USP10: variants seen among roughly 807,000 people sequenced by gnomAD.
The protein encoded by USP10 is ubiquitin specific peptidase 10, also known as ubiquitin carboxyl-terminal hydrolase 10.
In USP10, 22 loss-of-function variants were observed where a neutral mutation model predicts 84.5. That is an observed-to-expected ratio of 0.26 (90% CI 0.19 to 0.37). The LOEUF is 0.37. Ranked by LOEUF, USP10 falls within the 10% of genes least tolerant of loss-of-function variation. The pLI, the probability that USP10 is intolerant of heterozygous loss-of-function variation, is 1.00. For synonymous variants in USP10, 454 were observed against 387.6 expected (o/e 1.17, Z -2.01); for missense variants, 1,019 against 998.9 (o/e 1.02, Z -0.27).
At chr16:84,726,819 G>A (rs551822105) in intron 1 of USP10, among the ~76,000 whole-genome samples, 3 of 152,232 alleles carry the variant, frequency 2.0e-5, no homozygotes, top group East Asian at 1.9e-4. Context: ...TTGCTCCCCC[G>A]AATCGCAGGC....
chr16:84,739,529 T>G (rs1910373098), intron 2 of USP10, among the ~76,000 whole-genome samples: 1 of 152,106 alleles, frequency 6.6e-6, no homozygotes, highest in African/African-American at 2.4e-5. Flanking sequence ...CACCTCAGCC[T>G]CCCTCATTGC....
chr16:84,731,371 T>C (rs1467062206), intron 1 of USP10, among the ~76,000 whole-genome samples: 2 of 152,166 alleles, frequency 1.3e-5, no homozygotes, highest in Non-Finnish European at 2.9e-5. Flanking sequence ...CTATTGATAT[T>C]AAACAAAACA....
intron 3 of USP10, among the ~76,000 whole-genome samples, chr16:84,741,060 C>T (rs1356628965): frequency 1.3e-5 from 2 of 152,220 alleles, no homozygotes; most frequent in Non-Finnish European, 2.9e-5. Flanking sequence ...CCCTTACTGG[C>T]CTCCAGGAAA....
intron 13 of USP10, 64 bp downstream of exon 13, chr16:84,775,289 C>G (rs1338084363): frequency 6.5e-7 from 1 of 1,544,560 alleles, no homozygotes; most frequent in Non-Finnish European, 8.9e-7. Flanking sequence ...TACAGCTGGG[C>G]ACAGGTTTGC....
chr16:84,778,862 T>A, intron 13 of USP10, 33 bp from the exon 14 acceptor site: 1 of 1,598,728 alleles, frequency 6.3e-7, no homozygotes, highest in Non-Finnish European at 8.5e-7. Context: ...GCAGTGCTGT[T>A]CTCACTCTGC....
At chr16:84,772,479 TG>T (rs1400432177) in intron 11 of USP10, 61 bp from the exon 12 acceptor site, 1 of 1,599,764 alleles carries the variant, frequency 6.3e-7, no homozygotes, top group Admixed American at 1.7e-5. Flanking sequence ...GGAAGGTGGA[TG>T]TGGTGTTAGC....
intron 1 of USP10, among the ~76,000 whole-genome samples, chr16:84,714,662 G>T (rs879359369): frequency 1.3e-5 from 2 of 151,642 alleles, no homozygotes; most frequent in African/African-American, 4.8e-5. Flanking sequence ...GGTTTTTTTG[G>T]TCCAATTTTT....
Position 84,700,085 on chromosome 16 carries a change from G to A in USP10, c.-6G>A. On this transcript the variant is annotated 5_prime_UTR_variant, in exon 1 of 14. Coordinates refer to ENST00000219473, the MANE Select transcript of USP10 (RefSeq NM_005153.3). ...GGATCGCGGAGTCCCAATGAAACGG[G>A]CAGCCATGGCCCTCCACAGCCCGCA... The A allele has an allele frequency of 2.2e-6, 3 of 1,373,204 alleles. No individual in the cohort carries two copies. The highest frequency in any genetic ancestry group is 2.9e-6 in the Non-Finnish European group (3 of 1,043,296). 85.1% of individuals were successfully genotyped at this position (1,373,204 alleles called of 1,614,324 possible).
At chr16:84,711,719 C>CTTTTTTTT (rs10706586) in intron 1 of USP10, among the ~76,000 whole-genome samples, 2 of 114,278 alleles carry the variant, frequency 1.8e-5, no homozygotes, top group African/African-American at 3.7e-5. Flanking sequence ...GAAGGGCTAG[C>CTTTTTTTT]TTTTTTTTTT....
Position 84,744,978 on chromosome 16 carries a change from G to A in USP10, c.497G>A (p.Gly166Asp), listed in dbSNP as rs1413574278. 1 of 1,613,834 alleles carries A rather than the reference G, an allele frequency of 6.2e-7. No homozygotes were observed. The highest frequency in any genetic ancestry group is 2.2e-5 in the East Asian group (1 of 44,892). ...PPGYYSYLKDGGDDSISTEAL... is the reference protein window; with the variant it reads ...PPGYYSYLKDDGDDSISTEAL... The stretch of plus-strand genomic sequence containing the variant: ...GGATATTACAGCTATTTGAAAGATG[G>A]TGGCGATGATAGTATCTCCACAGAA... Residue 166 changes from glycine (G) to aspartate (D), a missense_variant, in exon 4 of 14, where the codon GGT becomes GAT. Gly to Asp is a moderately conservative substitution (Grantham distance 94). Around this residue, in one of 2 missense-constraint regions of USP10, gnomAD observed 787 missense variants for 708.8 expected, o/e 1.11. Transcript: ENST00000219473.
intron 10 of USP10, among the ~76,000 whole-genome samples, chr16:84,766,081 A>G (rs1913827003): frequency 6.6e-6 from 1 of 152,212 alleles, no homozygotes; most frequent in Non-Finnish European, 1.5e-5. Context: ...CGTACCTGAA[A>G]GAAAGAGCAC....
intron 1 of USP10, among the ~76,000 whole-genome samples, chr16:84,720,224 C>A (rs930280765): frequency 6.6e-6 from 1 of 152,210 alleles, no homozygotes; most frequent in African/African-American, 2.4e-5. Context: ...TAAGAGGAAG[C>A]TCTGCCGTGG....
intron 1 of USP10, among the ~76,000 whole-genome samples, chr16:84,706,748 G>A (rs189128639): frequency 1.5e-3 from 225 of 151,900 alleles, no homozygotes; most frequent in African/African-American, 5.0e-3. Flanking sequence ...CACGGTGTTA[G>A]CCAGGATGGT....
intron 10 of USP10, among the ~76,000 whole-genome samples, chr16:84,767,028 G>A (rs939157970): frequency 4.6e-5 from 7 of 152,110 alleles, no homozygotes; most frequent in Non-Finnish European, 1.0e-4. Context: ...CAGCTCTCAT[G>A]AGCGGTTTCC....
chr16:84,764,350 G>T, intron 10 of USP10, 87 bp downstream of exon 10: 1 of 1,552,492 alleles, frequency 6.4e-7, no homozygotes, highest in South Asian at 1.1e-5. Context: ...GGCTTGTTTT[G>T]AGACTTCTTG....
At chr16:84,778,365 A>G (rs1205872832) in intron 13 of USP10, among the ~76,000 whole-genome samples, 1 of 152,204 alleles carries the variant, frequency 6.6e-6, no homozygotes, top group Admixed American at 6.5e-5. Flanking sequence ...GTATTCCCGC[A>G]TCACCATTCT....
intron 4 of USP10, among the ~76,000 whole-genome samples, chr16:84,749,113 A>C (rs1470969393): frequency 6.6e-6 from 1 of 152,244 alleles, no homozygotes; most frequent in Admixed American, 6.5e-5. Flanking sequence ...CACATTGAAT[A>C]ACCCTTGGGA....
chr16:84,705,004 G>T lies in USP10; in HGVS notation c.21+4893G>T, dbSNP rs891185446. 8 of 1,234,508 alleles carry T rather than the reference G, an allele frequency of 6.5e-6. No homozygotes were observed. The Admixed American group carries it at 1.0e-4, about 16-fold the overall frequency. 76.5% of individuals were successfully genotyped at this position (1,234,508 alleles called of 1,614,324 possible). ...ACCTGCTACCGTCTGCGCTGTAATG[G>T]TGGCTGCTCCTAAGAGTCCTCAGTC... is the stretch of plus-strand genomic sequence containing the variant. On this transcript the variant is annotated intron_variant, in intron 1 of 13. Coordinates refer to ENST00000219473, the MANE Select transcript of USP10 (RefSeq NM_005153.3).
At chr16:84,718,417 C>G (rs1163584448) in intron 1 of USP10, among the ~76,000 whole-genome samples, 1 of 152,156 alleles carries the variant, frequency 6.6e-6, no homozygotes, top group Non-Finnish European at 1.5e-5. Flanking sequence ...CTGTGTTTGG[C>G]AGGAGTTTAA....
Sources: gnomAD v4.1 joint callset for allele counts (sites outside exome capture counted in the v4.1 genomes callset) on GRCh38, gnomAD v4.1.1 for gene constraint, gnomAD v4.1.1 regional missense constraint, MANE v1.5 for transcripts, NCBI Gene and HGNC (gene_info 2026-07-23, HGNC 2026-07-21) for gene names.